UEVLD: variants seen among roughly 807,000 people sequenced by gnomAD.
The protein encoded by UEVLD is UEV and lactate/malate dehyrogenase domains, also known as ubiquitin-conjugating enzyme E2 variant 3.
UEVLD carries 47 observed loss-of-function variants against 58.6 expected under a neutral mutation model. The ratio of observed to expected loss-of-function variants is 0.80; its 90% CI spans 0.63 to 1.02. The LOEUF is 1.02. Among genes scored for constraint, UEVLD ranks in the 50% least tolerant of loss-of-function variants. UEVLD has a pLI of 0.00. For synonymous variants in UEVLD, 197 were observed against 195.3 expected, an observed-to-expected ratio of 1.01 and a Z score of -0.07; for missense variants, 510 against 550.6, an observed-to-expected ratio of 0.93 and a Z score of 0.74.
chr11:18,586,507 G>A (rs749403527), intron 1 of UEVLD, among the ~76,000 whole-genome samples: 5 of 151,988 alleles, frequency 3.3e-5, no homozygotes, highest in African/African-American at 9.7e-5. Flanking sequence ...GTGAGCTACC[G>A]TGCCTGGCCT....
chr11:18,532,338 T>A lies in UEVLD; in HGVS notation c.1398A>T (p.Gln466His). Residue 466 changes from glutamine to histidine, a missense_variant, in exon 12 of 12, where the codon CAA becomes CAT. By Grantham distance (24) the Gln-to-His change is conservative. Coordinates refer to ENST00000396197, the MANE Select transcript of UEVLD (RefSeq NM_001040697.4). ...QSSASSIHSL[Q>H]QQLKL is the part of the protein sequence containing the mutation. The stretch of plus-strand genomic sequence containing the variant: ...TTGAGAATCAAAGTTTTAACTGTTG[T>A]TGGAGACTGTGGATTGAGGATGCAC... The A allele has an allele frequency of 6.2e-7, 1 of 1,609,006 alleles. No homozygotes were observed.
intron 6 of UEVLD, among the ~76,000 whole-genome samples, chr11:18,559,682 T>C (rs1851920215): frequency 6.6e-6 from 1 of 152,150 alleles, no homozygotes; most frequent in African/African-American, 2.4e-5. Flanking sequence ...CAGCTTTTTC[T>C]TAAAAAAAGT....
chr11:18,564,533 T>TA (rs558868298), intron 6 of UEVLD, among the ~76,000 whole-genome samples: 102 of 142,428 alleles, frequency 7.2e-4, no homozygotes, highest in East Asian at 3.0e-3. Context: ...AGGCCATCTT[T>TA]AAAAAAAAAA....
At chr11:18,538,263 G>A (rs1850896449) in intron 9 of UEVLD, among the ~76,000 whole-genome samples, 1 of 151,262 alleles carries the variant, frequency 6.6e-6, no homozygotes, top group Non-Finnish European at 1.5e-5. Context: ...ATTCTTTTGT[G>A]TTCTCTTGCA....
At chr11:18,537,798 G>T (rs931577266) in intron 9 of UEVLD, among the ~76,000 whole-genome samples, 1 of 151,904 alleles carries the variant, frequency 6.6e-6, no homozygotes. Flanking sequence ...AACTAGCTGG[G>T]ATTACAGGTG....
chr11:18,578,900 C>T (rs1055836909), intron 1 of UEVLD, 92 bp from the exon 2 acceptor site: 24 of 817,290 alleles, frequency 2.9e-5, no homozygotes, highest in Non-Finnish European at 4.3e-5. Context: ...CGGAGTCTCA[C>T]TCTGTTGCCC....
In UEVLD at chr11:18,558,284, T is replaced by G. The variant is rs1347207278; in HGVS notation, c.659A>C (p.Lys220Thr). The G allele has an allele frequency of 1.2e-6, 2 of 1,613,574 alleles. No homozygotes were observed. Among genetic ancestry groups the G allele is most frequent in the Non-Finnish European group, 1.7e-6 (2 of 1,179,804 alleles). ...GATTTCAAGGTCCATCGTGGCTCCT[T>G]TAGTCCCTTCTGAGAGGTCTAAGAG... ...LVLLDLSEGT[K>T]GATMDLEIFN... Residue 220 changes from lysine to threonine, a missense_variant, in exon 7 of 12, where the codon AAA becomes ACA. Transcript: ENST00000396197.
chr11:18,565,263 TCTAAA>T (rs1852240267), intron 5 of UEVLD, among the ~76,000 whole-genome samples: 1 of 152,178 alleles, frequency 6.6e-6, no homozygotes, highest in Admixed American at 6.6e-5. Context: ...TGTATAAGAC[TCTAAA>T]AAAGTAGGAT....
chr11:18,585,175 GCCA>G (rs1853480522), intron 1 of UEVLD, among the ~76,000 whole-genome samples: 1 of 152,122 alleles, frequency 6.6e-6, no homozygotes, highest in Non-Finnish European at 1.5e-5. Context: ...ACAGGTGTGA[GCCA>G]CCACACCTGG....
chr11:18,565,688 G>C (rs1852260051), intron 5 of UEVLD, among the ~76,000 whole-genome samples: 1 of 151,916 alleles, frequency 6.6e-6, no homozygotes, highest in Non-Finnish European at 1.5e-5. Flanking sequence ...AATTGGCTGG[G>C]CATGCCTGTA....
At chr11:18,579,075 G>T (rs1853096577) in intron 1 of UEVLD, among the ~76,000 whole-genome samples, 2 of 151,912 alleles carry the variant, frequency 1.3e-5, no homozygotes, top group African/African-American at 4.8e-5. Flanking sequence ...TGCCATGTTG[G>T]TCAGGCTGGT....
chr11:18,571,428 C>T (rs1852606360), intron 3 of UEVLD, among the ~76,000 whole-genome samples: 1 of 152,170 alleles, frequency 6.6e-6, no homozygotes, highest in Non-Finnish European at 1.5e-5. Flanking sequence ...ATGCCCCTCC[C>T]CAGCAGTATT....
At chr11:18,536,569 T>C (rs1850804941) in intron 9 of UEVLD, 100 bp from the exon 10 acceptor site, 2 of 976,340 alleles carry the variant, frequency 2.0e-6, no homozygotes, top group East Asian at 2.5e-5. Context: ...TGCTAATATT[T>C]ATATAGAAGT....
At chr11:18,580,438 T>C (rs1033281285) in intron 1 of UEVLD, among the ~76,000 whole-genome samples, 2 of 152,074 alleles carry the variant, frequency 1.3e-5, no homozygotes, top group Non-Finnish European at 2.9e-5. Flanking sequence ...TTATTCATAA[T>C]AGCCAAAAAG....
rs1439388597 is a variant in UEVLD, at chr11:18,529,674, A to G, written c.*2646T>C. 6.6e-6 allele frequency: 1 copy of G among 152,214 alleles called. No individual in the cohort carries two copies. The highest frequency in any genetic ancestry group is 1.5e-5 in the Non-Finnish European group (1 of 68,038). 9.4% of individuals were successfully genotyped at this position (152,214 alleles called of 1,614,324 possible). A position where few individuals can be genotyped will look rare whatever the true frequency, so the allele number is the denominator to read the frequency against. Reference sequence around the variant, plus strand: ...TTTAAGGAAAACAATGTAAAATGGGAAAAAATGTATCTTCTGCTACATCAA... The same window carrying G: ...TTTAAGGAAAACAATGTAAAATGGGGAAAAATGTATCTTCTGCTACATCAA... On this transcript the variant is annotated 3_prime_UTR_variant, in exon 12 of 12. Coordinates refer to ENST00000396197, the MANE Select transcript of UEVLD (RefSeq NM_001040697.4).
intron 11 of UEVLD, among the ~76,000 whole-genome samples, chr11:18,533,481 TCA>T (rs2133949085): frequency 1.0e-5 from 1 of 96,310 alleles, no homozygotes; most frequent in Admixed American, 1.1e-4. Context: ...TAAATGACAG[TCA>T]GAAGAAATTT....
rs772204897 is a variant in UEVLD at position 18,534,458 on chromosome 11, GT to G, written c.1125-6del. On this transcript the variant is annotated splice_polypyrimidine_tract_variant and splice_region_variant and intron_variant, in intron 10 of 11. Coordinates refer to ENST00000396197, the MANE Select transcript of UEVLD (RefSeq NM_001040697.4). ...ACTCTTAGCAGTTCCATGGCTCTAG[GT>G]TACAAAAATACGTGATCTCAGAAAA... 1.5e-5 allele frequency: 24 copies of G among 1,560,080 alleles called. No homozygotes were observed. The highest frequency in any genetic ancestry group is 2.8e-5 in the African/African-American group (2 of 71,386).
intron 9 of UEVLD, among the ~76,000 whole-genome samples, chr11:18,541,900 G>A (rs1851071594): frequency 4.6e-5 from 7 of 152,162 alleles, no homozygotes; most frequent in Admixed American, 4.6e-4. Flanking sequence ...AAAGCTGTAG[G>A]CTTCCACGCA....
At chr11:18,587,680 T>G (rs913433872) in intron 1 of UEVLD, 1 of 152,144 alleles carries the variant, frequency 6.6e-6, no homozygotes. Context: ...CACGCGCCTG[T>G]AGTCCCAGCT....
Sources: gnomAD v4.1 joint callset for allele counts (sites outside exome capture counted in the v4.1 genomes callset) on GRCh38, gnomAD v4.1.1 for gene constraint, MANE v1.5 for transcripts, NCBI Gene and HGNC (gene_info 2026-07-23, HGNC 2026-07-21) for gene names.